The following GPCPD1 variants were observed in gnomAD, a reference collection of about 807,000 sequenced individuals.
The protein encoded by GPCPD1 is glycerophosphocholine phosphodiesterase 1, also known as glycerophosphocholine phosphodiesterase GPCPD1.
Under a neutral mutation model 89.2 loss-of-function variants are expected in GPCPD1, and 29 were observed. The observed-to-expected ratio is 0.33, with a 90% CI of 0.24 to 0.44. The LOEUF (loss-of-function observed/expected upper bound fraction) is 0.44, where lower values mean the gene tolerates loss of function less well. Among genes scored for constraint, GPCPD1 ranks in the 20% least tolerant of loss-of-function variants. GPCPD1 has a pLI of 1.00. For synonymous variants in GPCPD1, 258 were observed against 266.3 expected (o/e 0.97, Z 0.30); for missense variants, 594 against 808.9 (o/e 0.73, Z 3.22).
At chr20:5,591,051 G>A (rs1343274683) in intron 4 of GPCPD1, among the ~76,000 whole-genome samples, 1 of 152,186 alleles carries the variant, frequency 6.6e-6, no homozygotes, top group South Asian at 2.1e-4. Flanking sequence ...TGTTAATTCA[G>A]AAAGTATCTT....
rs752991476 is a variant in GPCPD1 at position 5,593,353 on chromosome 20, A to C, written c.205T>G (p.Phe69Val). 6 of 1,584,308 alleles carry C rather than the reference A, an allele frequency of 3.8e-6. No homozygotes were observed. Among genetic ancestry groups the C allele is most frequent in the Non-Finnish European group, 4.3e-6 (5 of 1,153,168 alleles). ...TTTGGTTCTAAAAAGTACCCTTTGA[A>C]GTAGCGATACTGAACTGATACTCCT... ...SRGVSVQYRY[F>V]KGYFLEPKTI... The change falls in exon 4 of 20, where the codon TTC becomes GTC. Residue 69 changes from phenylalanine (F) to valine (V), a missense_variant. By Grantham distance (50) the Phe-to-Val change is conservative. Coordinates refer to ENST00000379019, the MANE Select transcript of GPCPD1 (RefSeq NM_019593.5).
At chr20:5,591,993 A>G (rs1979360142) in intron 4 of GPCPD1, among the ~76,000 whole-genome samples, 1 of 152,214 alleles carries the variant, frequency 6.6e-6, no homozygotes, top group South Asian at 2.1e-4. Flanking sequence ...AATTTTTTCA[A>G]AAGGTATTTT....
At position 5,581,463 on chromosome 20, in the gene GPCPD1, A is replaced by C. The variant is rs535141654; in HGVS notation, c.350-1332T>G. Among the ~76,000 whole-genome samples, 113 of 152,346 alleles carry C rather than the reference A, an allele frequency of 7.4e-4. 2 individuals carry two copies. Among genetic ancestry groups the C allele is most frequent in the African/African-American group, 2.6e-3 (107 of 41,586 alleles). Reference sequence around the variant, plus strand: ...TTGTTCTACTAGGGATCACTGTTACACTTCCAAAGCGTCACTTTAGATATT... The same window carrying C: ...TTGTTCTACTAGGGATCACTGTTACCCTTCCAAAGCGTCACTTTAGATATT... On this transcript the variant is annotated intron_variant, in intron 6 of 19. Coordinates refer to ENST00000379019, the MANE Select transcript of GPCPD1 (RefSeq NM_019593.5).
chr20:5,560,016 T>C lies in GPCPD1; in HGVS notation c.1456A>G (p.Ile486Val), dbSNP rs774214065. Residue 486 changes from isoleucine (I) to valine (V), a missense_variant, in exon 17 of 20, where the codon ATT becomes GTT. Ile to Val is a conservative substitution (Grantham distance 29). Coordinates refer to ENST00000379019, the MANE Select transcript of GPCPD1 (RefSeq NM_019593.5). The stretch of plus-strand genomic sequence containing the variant: ...GAATTTTCTAAAACAGTTTTTAAAA[T>C]TATATCCAAAAACAGATTCATGTCA... ...YFDMNLFLDIILKTVLENSGK... is the reference protein window; with the variant it reads ...YFDMNLFLDIVLKTVLENSGK... 2 of 1,575,840 alleles carry C rather than the reference T, an allele frequency of 1.3e-6. No individual in the cohort carries two copies. Among genetic ancestry groups the C allele is most frequent in the East Asian group, 2.3e-5 (1 of 44,000 alleles).
intron 3 of GPCPD1, among the ~76,000 whole-genome samples, chr20:5,595,897 C>T (rs1256609343): frequency 6.6e-6 from 1 of 152,130 alleles, no homozygotes; most frequent in African/African-American, 2.4e-5. Flanking sequence ...AGTAGAATTA[C>T]TAATAAGCTG....
At chr20:5,553,420 A>T (rs1985548318) in intron 19 of GPCPD1, among the ~76,000 whole-genome samples, 2 of 152,168 alleles carry the variant, frequency 1.3e-5, no homozygotes, top group African/African-American at 4.8e-5. Flanking sequence ...CAGGCCAATT[A>T]ACCTTACAAT....
intron 19 of GPCPD1, among the ~76,000 whole-genome samples, chr20:5,554,714 C>T (rs1194919068): frequency 1.3e-5 from 2 of 152,206 alleles, no homozygotes; most frequent in East Asian, 3.8e-4. Flanking sequence ...TTCTGCAGCC[C>T]ATGGATCAAG....
At chr20:5,568,366 T>C (rs1986521956) in intron 12 of GPCPD1, among the ~76,000 whole-genome samples, 1 of 151,070 alleles carries the variant, frequency 6.6e-6, no homozygotes, top group African/African-American at 2.4e-5. Flanking sequence ...AGTAAGACAG[T>C]AAGAACAAGG....
rs1420676383 is a variant in GPCPD1 at position 5,610,009 on chromosome 20, C to G, written c.-29+833G>C. On this transcript the variant is annotated intron_variant, in intron 1 of 19. Transcript: ENST00000379019. ...AGAGTATGAAGAAAAAACATCGGGT[C>G]CAAACATCCTGCTCAGTTCCATCAG... 2.6e-5 allele frequency among the ~76,000 whole-genome samples: 4 copies of G among 152,078 alleles called. No individual in the cohort carries two copies. In the East Asian group the frequency reaches 7.7e-4, roughly 29 times the overall value.
Position 5,558,856 on chromosome 20 carries a change from G to T in GPCPD1, c.1533-37C>A, listed in dbSNP as rs556681244. The T allele has an allele frequency of 4.8e-6, 7 of 1,472,180 alleles. No homozygotes were observed. The Admixed American group carries it at 1.7e-4, about 35-fold the overall frequency. The allele number at this position is 1,472,180 out of a possible 1,614,324, so 91.2% of individuals were successfully genotyped here. On this transcript the variant is annotated intron_variant, in intron 17 of 19. Coordinates refer to ENST00000379019, the MANE Select transcript of GPCPD1 (RefSeq NM_019593.5). ...CAATTTTAAAAATACCTTTCAATGGGGGGTAACTGTAATATTCCTTTTTGG... is the reference window on the plus strand; with the variant it reads ...CAATTTTAAAAATACCTTTCAATGGTGGGTAACTGTAATATTCCTTTTTGG...
At chr20:5,587,989 T>C (rs1335513490) in intron 4 of GPCPD1, among the ~76,000 whole-genome samples, 2 of 152,214 alleles carry the variant, frequency 1.3e-5, no homozygotes, top group East Asian at 1.9e-4. Context: ...TCTTTTTCTC[T>C]AGCTAAACAC....
In GPCPD1 at chr20:5,559,898, C is replaced by A; in HGVS notation, c.1532+42G>T. On this transcript the variant is annotated intron_variant, in intron 17 of 19. Transcript: ENST00000379019. ...CCAGACTGCTGCCTTAAGTCCTAGA[C>A]ACATTCTAAGAGTATAGGAAAAAAT... The A allele has an allele frequency of 3.3e-6, 4 of 1,196,254 alleles. No individual in the cohort carries two copies. In the South Asian group the frequency reaches 6.8e-5, roughly 20 times the overall value. The allele number at this position is 1,196,254 out of a possible 1,614,324, so 74.1% of individuals were successfully genotyped here. A position where few individuals can be genotyped will look rare whatever the true frequency, so the allele number is the denominator to read the frequency against.
At chr20:5,553,670 GA>G (rs1985565691) in intron 19 of GPCPD1, among the ~76,000 whole-genome samples, 1 of 152,220 alleles carries the variant, frequency 6.6e-6, no homozygotes, top group African/African-American at 2.4e-5. Flanking sequence ...CTGATAAGGA[GA>G]AAGTTTTAAT....
chr20:5,580,877 ATT>A (rs1005700106), intron 6 of GPCPD1, among the ~76,000 whole-genome samples: 14 of 144,336 alleles, frequency 9.7e-5, no homozygotes, highest in African/African-American at 1.5e-4. Flanking sequence ...AATCAATTCC[ATT>A]TTTTTTTTTT....
At chr20:5,601,071 T>G (rs1397155627) in intron 2 of GPCPD1, among the ~76,000 whole-genome samples, 1 of 151,750 alleles carries the variant, frequency 6.6e-6, no homozygotes, top group Non-Finnish European at 1.5e-5. Flanking sequence ...TTCCAGCTAC[T>G]CGGGAGGCTG....
In GPCPD1 at chr20:5,560,084, A is replaced by C. The variant is rs751808174; in HGVS notation, c.1396-8T>G. ...ACCATCCCACATTCCATCCTAGTGA[A>C]AGAGAAAGCAAAATAAAAGTCACTG... is the stretch of plus-strand genomic sequence containing the variant. On this transcript the variant is annotated splice_polypyrimidine_tract_variant and splice_region_variant and intron_variant, in intron 16 of 19. Coordinates refer to ENST00000379019, the MANE Select transcript of GPCPD1 (RefSeq NM_019593.5). The C allele has an allele frequency of 5.3e-6, 8 of 1,517,284 alleles. No homozygotes were observed. In the Admixed American group the frequency reaches 1.9e-4, roughly 35 times the overall value. 94.0% of individuals were successfully genotyped at this position (1,517,284 alleles called of 1,614,324 possible).
intron 4 of GPCPD1, among the ~76,000 whole-genome samples, chr20:5,588,267 G>A (rs1448329342): frequency 6.6e-6 from 1 of 152,184 alleles, no homozygotes; most frequent in Non-Finnish European, 1.5e-5. Flanking sequence ...CGCTTTGGGA[G>A]GCCAAGGCAG....
rs112976426 is a variant in GPCPD1, at chr20:5,601,408, G to A, written c.50-2587C>T. ...TTTTGAGATGGAGTCTTGCTCCATC[G>A]CCCAGGCTGGAGTACAGTGGCGCAA... On this transcript the variant is annotated intron_variant, in intron 2 of 19. Transcript: ENST00000379019. 8.7e-3 allele frequency among the ~76,000 whole-genome samples: 1,031 copies of A among 118,638 alleles called. 9 individuals carry two copies. The highest frequency in any genetic ancestry group is 0.031 in the African/African-American group (952 of 30,280). 77.8% of individuals were successfully genotyped at this position (118,638 alleles called of 152,430 possible). A position where few individuals can be genotyped will look rare whatever the true frequency, so the allele number is the denominator to read the frequency against.
intron 11 of GPCPD1, among the ~76,000 whole-genome samples, chr20:5,570,441 A>C (rs1986651551): frequency 6.6e-6 from 1 of 151,516 alleles, no homozygotes; most frequent in Non-Finnish European, 1.5e-5. Flanking sequence ...AAAAAAAAAA[A>C]AAAAAACGGA....
Sources: gnomAD v4.1 joint callset for allele counts (sites outside exome capture counted in the v4.1 genomes callset) on GRCh38, gnomAD v4.1.1 for gene constraint, MANE v1.5 for transcripts, NCBI Gene and HGNC (gene_info 2026-07-23, HGNC 2026-07-21) for gene names.